OTUD7A: variants seen among roughly 807,000 people sequenced by gnomAD.
OTUD7A encodes the protein OTU deubiquitinase 7A, also known as OTU domain-containing protein 7A.
OTUD7A carries 12 observed loss-of-function variants against 65.7 expected under a neutral mutation model. The ratio of observed to expected loss-of-function variants is 0.18; its 90% CI spans 0.12 to 0.30. The LOEUF is 0.30. Among genes scored for constraint, OTUD7A ranks in the 10% least tolerant of loss-of-function variants. OTUD7A has a pLI of 1.00. For synonymous variants in OTUD7A, 641 were observed against 586.3 expected (o/e 1.09, Z -1.35); for missense variants, 1,148 against 1,304.8 (o/e 0.88, Z 1.85).
chr15:31,577,509 A>G (rs1259396173), intron 3 of OTUD7A, among the ~76,000 whole-genome samples: 1 of 152,100 alleles, frequency 6.6e-6, no homozygotes, highest in East Asian at 1.9e-4. Context: ...CACCTTTTTA[A>G]GCTGAACCAA....
chr15:31,765,243 T>C (rs1380596847), intron 1 of OTUD7A, among the ~76,000 whole-genome samples: 1 of 152,018 alleles, frequency 6.6e-6, no homozygotes, highest in African/African-American at 2.4e-5. Context: ...CATATATATA[T>C]AAATAGATCA....
chr15:31,862,138 C>T (rs1287689355), intron 1 of OTUD7A, among the ~76,000 whole-genome samples: 1 of 152,216 alleles, frequency 6.6e-6, no homozygotes, highest in African/African-American at 2.4e-5. Context: ...GAAATCTACT[C>T]CCAGGACTCT....
chr15:31,723,968 T>G (rs1409453791), intron 1 of OTUD7A, among the ~76,000 whole-genome samples: 1 of 128,880 alleles, frequency 7.8e-6, no homozygotes, highest in Admixed American at 8.6e-5. Flanking sequence ...GCCAACATAG[T>G]AAGTAAAACG....
At chr15:31,675,939 C>T (rs150233608) in intron 1 of OTUD7A, among the ~76,000 whole-genome samples, 2 of 152,108 alleles carry the variant, frequency 1.3e-5, no homozygotes, top group Admixed American at 1.3e-4. Context: ...TGGTAAGTTG[C>T]CAGTTCCTCT....
chr15:31,749,735 G>A (rs1173905687), intron 1 of OTUD7A, among the ~76,000 whole-genome samples: 1 of 151,920 alleles, frequency 6.6e-6, no homozygotes, highest in Non-Finnish European at 1.5e-5. Flanking sequence ...GAAATAAAAG[G>A]TGTACAATTT....
chr15:31,632,109 C>T (rs985877533), intron 3 of OTUD7A, among the ~76,000 whole-genome samples: 1 of 152,226 alleles, frequency 6.6e-6, no homozygotes, highest in African/African-American at 2.4e-5. Flanking sequence ...ATTCTCCGTC[C>T]AGCTTTGTTC....
At chr15:31,732,180 A>C (rs561895848) in intron 1 of OTUD7A, among the ~76,000 whole-genome samples, 1 of 152,348 alleles carries the variant, frequency 6.6e-6, no homozygotes, top group African/African-American at 2.4e-5. Flanking sequence ...TTACTTAGTC[A>C]TGCAAACAGA....
chr15:31,593,014 T>C (rs1035503726), intron 3 of OTUD7A, among the ~76,000 whole-genome samples: 10 of 143,558 alleles, frequency 7.0e-5, no homozygotes, highest in African/African-American at 2.3e-4. Flanking sequence ...ATAAAAAGTA[T>C]AGCATAGTAA....
intron 8 of OTUD7A, among the ~76,000 whole-genome samples, chr15:31,504,483 G>A (rs1045196577): frequency 3.3e-5 from 5 of 152,178 alleles, no homozygotes; most frequent in East Asian, 3.8e-4. Context: ...TAAGACGTTC[G>A]GGCAGAAGGT....
chr15:31,525,297 C>T (rs990499195), intron 8 of OTUD7A, among the ~76,000 whole-genome samples: 4 of 152,234 alleles, frequency 2.6e-5, no homozygotes, highest in Non-Finnish European at 4.4e-5. Flanking sequence ...AAATGTCCTG[C>T]CAAGATAGAC....
chr15:31,836,989 T>C (rs1897070436), intron 1 of OTUD7A, among the ~76,000 whole-genome samples: 1 of 152,062 alleles, frequency 6.6e-6, no homozygotes, highest in Non-Finnish European at 1.5e-5. Context: ...TTCTAGCCCA[T>C]GCAATAAGGC....
intron 1 of OTUD7A, among the ~76,000 whole-genome samples, chr15:31,741,328 T>A (rs1894337313): frequency 6.6e-6 from 1 of 152,190 alleles, no homozygotes; most frequent in African/African-American, 2.4e-5. Context: ...TCATAATTTT[T>A]TAAAAAAATT....
At chr15:31,503,923 A>G (rs902025502) in intron 8 of OTUD7A, 105 bp from the exon 9 acceptor site, 4 of 1,369,894 alleles carry the variant, frequency 2.9e-6, no homozygotes, top group African/African-American at 2.9e-5. Context: ...CACTCTGGAT[A>G]TTATCTTCAT....
chr15:31,779,842 T>C (rs769970506), intron 1 of OTUD7A, among the ~76,000 whole-genome samples: 1 of 152,100 alleles, frequency 6.6e-6, no homozygotes, highest in Admixed American at 6.5e-5. Flanking sequence ...GGATCTGTTG[T>C]CGGTAAGATG....
intron 1 of OTUD7A, among the ~76,000 whole-genome samples, chr15:31,807,149 T>C (rs2221328): frequency 0.57 from 87,171 of 152,136 alleles, 25,431 homozygotes; most frequent in East Asian, 0.69. Flanking sequence ...CATGGCCTCA[T>C]GGAATCCCCT....
chr15:31,609,443 C>T (rs940696204), intron 3 of OTUD7A, among the ~76,000 whole-genome samples: 3 of 152,094 alleles, frequency 2.0e-5, no homozygotes, highest in East Asian at 1.9e-4. Context: ...CTGTGACTAC[C>T]GAATTGCCCC....
chr15:31,682,186 G>A (rs1206991719), intron 1 of OTUD7A, among the ~76,000 whole-genome samples: 4 of 152,168 alleles, frequency 2.6e-5, no homozygotes, highest in Admixed American at 2.6e-4. Context: ...ACAGAGCCAG[G>A]ACACAGTCAA....
chr15:31,859,418 A>G (rs1897662567), intron 1 of OTUD7A, among the ~76,000 whole-genome samples: 1 of 152,260 alleles, frequency 6.6e-6, no homozygotes, highest in Non-Finnish European at 1.5e-5. Context: ...TATACAACAG[A>G]TCTCATGAAC....
At chr15:31,669,976 T>TG (rs200742604) in intron 1 of OTUD7A, among the ~76,000 whole-genome samples, 8,680 of 141,828 alleles carry the variant, frequency 0.061, 291 homozygotes, top group East Asian at 0.15. Flanking sequence ...CTTCCGCAGG[T>TG]GAGCACTCAC....
Sources: gnomAD v4.1 joint callset for allele counts (sites outside exome capture counted in the v4.1 genomes callset) on GRCh38, gnomAD v4.1.1 for gene constraint, MANE v1.5 for transcripts, NCBI Gene and HGNC (gene_info 2026-07-23, HGNC 2026-07-21) for gene names.